The following MYNN variants were observed in gnomAD, a reference collection of about 807,000 sequenced individuals.
MYNN encodes myoneurin.
In MYNN, 22 loss-of-function variants were observed where a neutral mutation model predicts 57.2. The observed-to-expected ratio is 0.38, with a 90% CI of 0.27 to 0.55. The LOEUF is 0.55. MYNN is among the 20% of genes least tolerant of loss of function. MYNN has a pLI of 0.71. For missense variants in MYNN, 566 were observed against 723.1 expected (o/e 0.78, Z 2.49); for synonymous variants, 241 against 257.1 (o/e 0.94, Z 0.60).
Position 169,783,454 on chromosome 3 carries a change from GCTAT to G in MYNN, c.1400-20_1400-17del. The G allele has an allele frequency of 7.1e-7, 1 of 1,409,498 alleles. No homozygotes were observed. The highest frequency in any genetic ancestry group is 1.0e-6 in the Non-Finnish European group (1 of 998,094). The allele number at this position is 1,409,498 out of a possible 1,614,324, so 87.3% of individuals were successfully genotyped here. On this transcript the variant is annotated intron_variant, in intron 5 of 7. Transcript: ENST00000349841. ...TTATATTGGTATAGTACACCACTTCGCTATCTTTTATTTTCCATCTAGGTGAAAA... is the reference window on the plus strand; with the variant it reads ...TTATATTGGTATAGTACACCACTTCGCTTTTATTTTCCATCTAGGTGAAAA...
At chr3:169,783,349 CTA>C (rs765525000) in intron 5 of MYNN, 126 bp from the exon 6 acceptor site, 252 of 556,814 alleles carry the variant, frequency 4.5e-4, no homozygotes, top group Non-Finnish European at 6.5e-4. Flanking sequence ...GAAAATACCT[CTA>C]AAGTACAATA....
intron 1 of MYNN, 25 bp from the exon 2 acceptor site, chr3:169,774,240 T>G: frequency 6.4e-7 from 1 of 1,567,776 alleles, no homozygotes; most frequent in South Asian, 1.1e-5. Flanking sequence ...CGGTTACTGA[T>G]TTACTGTTTC....
chr3:169,783,570 T>C lies in MYNN; in HGVS notation c.1483+10T>C. On this transcript the variant is annotated intron_variant, in intron 6 of 7. Coordinates refer to ENST00000349841, the MANE Select transcript of MYNN (RefSeq NM_018657.5). ...TTTCGGTCCCATACAGGTCTGTGTT[T>C]AGGGAGAACGTATTATTTTTTGTTC... is the stretch of plus-strand genomic sequence containing the variant. The C allele has an allele frequency of 6.3e-7, 1 of 1,580,752 alleles. No homozygotes were observed.
rs1778577092 is a variant in MYNN at position 169,783,490 on chromosome 3, C to T, written c.1413C>T (p.Tyr471=). The T allele has an allele frequency of 1.2e-6, 2 of 1,606,576 alleles. No individual in the cohort carries two copies. Among genetic ancestry groups the T allele is most frequent in the East Asian group, 2.2e-5 (1 of 44,680 alleles). The change falls in exon 6 of 8, where the codon TAC becomes TAT. Residue 471 remains tyrosine, a synonymous_variant. Coordinates refer to ENST00000349841, the MANE Select transcript of MYNN (RefSeq NM_018657.5). ...HSRKHTGEKP[Y]ICGICGKSFI... ...TTTTCCATCTAGGTGAAAAACCATA[C>T]ATATGTGGTATTTGTGGGAAAAGTT...
chr3:169,783,886 T>G (rs1203485050), intron 6 of MYNN: 1 of 314,452 alleles, frequency 3.2e-6, no homozygotes, highest in Non-Finnish European at 6.1e-6. Flanking sequence ...TCAGATTTTC[T>G]TACTAAACAG....
chr3:169,774,541 AG>A lies in MYNN; in HGVS notation c.248del (p.Gly83GlufsTer3), dbSNP rs1485552918. 1 of 1,612,162 alleles carries A rather than the reference AG, an allele frequency of 6.2e-7. No homozygotes were observed. Among genetic ancestry groups the A allele is most frequent in the Non-Finnish European group, 8.5e-7 (1 of 1,178,560 alleles). On this transcript the variant is annotated frameshift_variant, in exon 2 of 8. Transcript: ENST00000349841. LOFTEE classifies it high-confidence loss of function. ...FQKLLEFIYT[G>X]TLNLDSWNVK... ...AGAAACTGTTGGAGTTTATATACAC[AG>A]GAACTTTAAATCTTGACAGGTAAAG...
intron 2 of MYNN, 101 bp downstream of exon 2, chr3:169,774,662 T>G (rs1560584960): frequency 1.8e-6 from 2 of 1,090,640 alleles, no homozygotes; most frequent in East Asian, 4.8e-5. Flanking sequence ...ACTCAAATTC[T>G]TCACCTATTT....
Position 169,786,393 on chromosome 3 carries a change from AT to A in MYNN, c.1571-14del, listed in dbSNP as rs746732761. The stretch of plus-strand genomic sequence containing the variant: ...TAGTTTTGTTTTAAAGATAATGTAG[AT>A]TTTTTTTTCCTTCCATTCTAGGTGC... On this transcript the variant is annotated intron_variant, in intron 7 of 7. Coordinates refer to ENST00000349841, the MANE Select transcript of MYNN (RefSeq NM_018657.5). The A allele has an allele frequency of 3.3e-5, 52 of 1,586,204 alleles. No homozygotes were observed. Among genetic ancestry groups the A allele is most frequent in the Admixed American group, 7.1e-5 (4 of 56,598 alleles).
intron 4 of MYNN, 122 bp downstream of exon 4, chr3:169,780,871 A>G: frequency 1.1e-6 from 1 of 884,270 alleles, no homozygotes; most frequent in Non-Finnish European, 1.6e-6. Flanking sequence ...AAACAATGTT[A>G]ACACGTTCAA....
rs1467594084 is a variant in MYNN, at chr3:169,779,353, T to C, written c.852T>C (p.Tyr284=). The C allele has an allele frequency of 6.2e-7, 1 of 1,614,058 alleles. No homozygotes were observed. The highest frequency in any genetic ancestry group is 1.3e-5 in the African/African-American group (1 of 74,922). The change falls in exon 3 of 8, where the codon TAT becomes TAC. Residue 284 remains tyrosine, a synonymous_variant. Transcript: ENST00000349841. ...MSNIASVKSP[Y]EAENSGEELD... ...ATATAGCCAGCGTCAAGAGTCCTTA[T>C]GAGGCGGAGAACTCCGGGGAAGAGC...
chr3:169,779,206 C>T lies in MYNN; in HGVS notation c.705C>T (p.Leu235=), dbSNP rs763407151. 1.5e-5 allele frequency: 25 copies of T among 1,613,960 alleles called. No individual in the cohort carries two copies. The highest frequency in any genetic ancestry group is 8.3e-5 in the Admixed American group (5 of 60,004). ...CACAAATAAATGATAATTCAGAACT[C>T]GAGTTGACATCAGTTGTGGAAAATA... ...QVAQINDNSE[L]ELTSVVENTF... Residue 235 remains leucine (L), a synonymous_variant, in exon 3 of 8, where the codon CTC becomes CTT. Coordinates refer to ENST00000349841, the MANE Select transcript of MYNN (RefSeq NM_018657.5).
chr3:169,784,840 T>G (rs1778625239), intron 7 of MYNN, 132 bp downstream of exon 7: 3 of 480,626 alleles, frequency 6.2e-6, no homozygotes. Context: ...AAAAACTAGG[T>G]ATATACATGT....
intron 7 of MYNN, 109 bp from the exon 8 acceptor site, chr3:169,786,307 G>A (rs1778675496): frequency 1.9e-6 from 2 of 1,041,612 alleles, no homozygotes; most frequent in Non-Finnish European, 2.8e-6. Context: ...CTTGAGTAAA[G>A]GTATGGTGGT....
Position 169,788,414 on chromosome 3 carries a change from C to G in MYNN, c.*1736C>G, listed in dbSNP as rs563235599. On this transcript the variant is annotated 3_prime_UTR_variant, in exon 8 of 8. Coordinates refer to ENST00000349841, the MANE Select transcript of MYNN (RefSeq NM_018657.5). ...GCATTAGAATGTTACCTAATCTCTT[C>G]TGGGTTAAATGTGATAGGAATGTAT... is the stretch of plus-strand genomic sequence containing the variant. 1.3e-5 allele frequency: 2 copies of G among 152,178 alleles called. No individual in the cohort carries two copies. The highest frequency in any genetic ancestry group is 2.1e-4 in the South Asian group (1 of 4,826). 9.4% of individuals were successfully genotyped at this position (152,178 alleles called of 1,614,324 possible). A position where few individuals can be genotyped will look rare whatever the true frequency, so the allele number is the denominator to read the frequency against.
At position 169,775,051 on chromosome 3, in the gene MYNN, G is replaced by C. The variant is rs1217491032; in HGVS notation, c.266+490G>C. ...GACAGGGTTTCACCATGCTGGCCAGGCTGCAAACAAAAAATTCTAAGTTAC... is the reference window on the plus strand; with the variant it reads ...GACAGGGTTTCACCATGCTGGCCAGCCTGCAAACAAAAAATTCTAAGTTAC... On this transcript the variant is annotated intron_variant, in intron 2 of 7. Transcript: ENST00000349841. 2.0e-5 allele frequency among the ~76,000 whole-genome samples: 3 copies of C among 152,030 alleles called. No individual in the cohort carries two copies. In the East Asian group the frequency reaches 5.8e-4, roughly 29 times the overall value.
chr3:169,779,101 C>T lies in MYNN; in HGVS notation c.600C>T (p.Pro200=), dbSNP rs755296438. The change falls in exon 3 of 8, where the codon CCC becomes CCT. Residue 200 remains proline, a synonymous_variant. Coordinates refer to ENST00000349841, the MANE Select transcript of MYNN (RefSeq NM_018657.5). ...KTGQNKTVQY[P]SDILENASVE... ...GGCAGAATAAAACAGTGCAATATCC[C>T]AGTGACATCTTAGAGAATGCATCTG... is the stretch of plus-strand genomic sequence containing the variant. The T allele has an allele frequency of 3.1e-6, 5 of 1,614,138 alleles. No individual in the cohort carries two copies. Among genetic ancestry groups the T allele is most frequent in the Non-Finnish European group, 2.5e-6 (3 of 1,180,004 alleles).
At chr3:169,781,960 A>G (rs1023658576) in intron 4 of MYNN, among the ~76,000 whole-genome samples, 1 of 152,144 alleles carries the variant, frequency 6.6e-6, no homozygotes, top group African/African-American at 2.4e-5. Context: ...CCATAATCCA[A>G]TGGAGTGAGA....
chr3:169,782,601 G>A lies in MYNN; in HGVS notation c.1357G>A (p.Ala453Thr), dbSNP rs1778550555. ...YVCDTCGKAF[A>T]VSSSLITHSR... Reference sequence around the variant, plus strand: ...ATGTGATACCTGTGGGAAGGCATTTGCTGTCTCTAGTTCTCTTATCACTCA... The same window carrying A: ...ATGTGATACCTGTGGGAAGGCATTTACTGTCTCTAGTTCTCTTATCACTCA... The change falls in exon 5 of 8, where the codon GCT becomes ACT. Residue 453 changes from alanine (A) to threonine (T), a missense_variant. Around this residue, in one of 4 missense-constraint regions of MYNN, gnomAD observed 123 missense variants for 222.6 expected, o/e 0.55. Transcript: ENST00000349841. This position sits in a 1 kb window ranked among gnomAD's most constrained non-coding sequence, Gnocchi z 4.8. The A allele has an allele frequency of 2.5e-6, 4 of 1,613,946 alleles. No individual in the cohort carries two copies. Among genetic ancestry groups the A allele is most frequent in the Non-Finnish European group, 2.5e-6 (3 of 1,179,868 alleles).
chr3:169,782,493 T>G lies in MYNN; in HGVS notation c.1249T>G (p.Cys417Gly). 6.2e-7 allele frequency: 1 copy of G among 1,612,766 alleles called. No homozygotes were observed. The highest frequency in any genetic ancestry group is 8.5e-7 in the Non-Finnish European group (1 of 1,179,568). The change falls in exon 5 of 8, where the codon TGT becomes GGT. Residue 417 changes from cysteine to glycine, a missense_variant. By Grantham distance (159) the Cys-to-Gly change is radical (BLOSUM62 -3). Around this residue, in one of 4 missense-constraint regions of MYNN, gnomAD observed 123 missense variants for 222.6 expected, o/e 0.55. Transcript: ENST00000349841. This position sits in a 1 kb window ranked among gnomAD's most constrained non-coding sequence, Gnocchi z 4.8. ...GCATAGTGGAGAGAAGCCATATGTC[T>G]GTGATAGGTGTGGACAGAGATTTGC... ...RKHSGEKPYV[C>G]DRCGQRFAQA...
Sources: gnomAD v4.1 joint callset for allele counts (sites outside exome capture counted in the v4.1 genomes callset) on GRCh38, gnomAD v4.1.1 for gene constraint, gnomAD v4.1.1 regional missense constraint, Gnocchi (gnomAD v3.1) non-coding constraint, MANE v1.5 for transcripts, NCBI Gene and HGNC (gene_info 2026-07-23, HGNC 2026-07-21) for gene names.